Variants in ACTN1 observed in about 807,000 individuals in gnomAD.
ACTN1 encodes alpha-actinin-1.
ACTN1 carries 30 observed loss-of-function variants against 119.6 expected under a neutral mutation model. The ratio of observed to expected loss-of-function variants is 0.25; its 90% CI spans 0.19 to 0.34. The LOEUF (loss-of-function observed/expected upper bound fraction) is 0.34. Ranked by LOEUF, ACTN1 falls within the 10% of genes least tolerant of loss-of-function variation. The pLI, the probability that ACTN1 is intolerant of heterozygous loss-of-function variation, is 1.00. For missense variants in ACTN1, 764 were observed against 1,223.4 expected, an observed-to-expected ratio of 0.62 and a Z score of 5.60; for synonymous variants, 429 against 472.6, an observed-to-expected ratio of 0.91 and a Z score of 1.20.
chr14:68,929,898 G>C (rs10149281), intron 1 of ACTN1, among the ~76,000 whole-genome samples: 15,632 of 152,260 alleles, frequency 0.1, 979 homozygotes, highest in African/African-American at 0.17. Flanking sequence ...CAGCCCTGTA[G>C]TTCAGGGTTG....
In ACTN1 at chr14:68,909,590, G is replaced by C. The variant is rs996046117; in HGVS notation, c.516-194C>G. Among the ~76,000 whole-genome samples the C allele has an allele frequency of 3.9e-5, 6 of 152,020 alleles. No homozygotes were observed. The highest frequency in any genetic ancestry group is 1.4e-4 in the African/African-American group (6 of 41,380). ...CCAGGCACTAGGGTCAAGACTTTGT[G>C]GGGGGGTTGACAAGTTCAGATAAAC... On this transcript the variant is annotated intron_variant, in intron 5 of 21. Coordinates refer to ENST00000394419, the MANE Select transcript of ACTN1 (RefSeq NM_001130004.2). This position sits in a 1 kb window ranked among gnomAD's most constrained non-coding sequence, Gnocchi z 4.1.
chr14:68,882,597 G>A lies in ACTN1; in HGVS notation c.1819-5C>T, dbSNP rs775069823. 9 of 1,613,848 alleles carry A rather than the reference G, an allele frequency of 5.6e-6. No individual in the cohort carries two copies. The highest frequency in any genetic ancestry group is 4.5e-5 in the East Asian group (2 of 44,882). ...CCGAGGCACCAGCTGCCGCACCTGGGGCAGGAACAACAAGGCGACTTTCAG... is the reference window on the plus strand; with the variant it reads ...CCGAGGCACCAGCTGCCGCACCTGGAGCAGGAACAACAAGGCGACTTTCAG... On this transcript the variant is annotated splice_polypyrimidine_tract_variant and splice_region_variant and intron_variant, in intron 15 of 21. Transcript: ENST00000394419. The surrounding 1 kb of genome is among the most constrained non-coding windows in gnomAD (Gnocchi z 4.5).
At chr14:68,902,677 C>T in intron 7 of ACTN1, 115 bp from the exon 8 acceptor site, 1 of 830,724 alleles carries the variant, frequency 1.2e-6, no homozygotes, top group Non-Finnish European at 2.0e-6. Flanking sequence ...AAATGTGGAG[C>T]CCGAATCTAA....
At chr14:68,888,934 C>T (rs2032252496) in intron 11 of ACTN1, among the ~76,000 whole-genome samples, 2 of 152,188 alleles carry the variant, frequency 1.3e-5, no homozygotes, top group African/African-American at 2.4e-5. Flanking sequence ...CGCTGCCCTA[C>T]ACCAAGCCAA....
chr14:68,920,935 C>A, intron 3 of ACTN1, 71 bp downstream of exon 3: 1 of 1,585,614 alleles, frequency 6.3e-7, no homozygotes, highest in Non-Finnish European at 8.6e-7. Flanking sequence ...GGAGGCAGCA[C>A]AAAAAAGGCC....
intron 8 of ACTN1, among the ~76,000 whole-genome samples, chr14:68,894,242 C>A (rs2032715771): frequency 6.6e-6 from 1 of 152,140 alleles, no homozygotes; most frequent in Non-Finnish European, 1.5e-5. Flanking sequence ...TCTTGGGATC[C>A]CTGCAGAATC....
chr14:68,949,115 G>A (rs372654663), intron 1 of ACTN1, among the ~76,000 whole-genome samples: 2 of 152,304 alleles, frequency 1.3e-5, no homozygotes, highest in Middle Eastern at 3.4e-3. Flanking sequence ...TGTAATTAAC[G>A]GGCCAAAAAT....
chr14:68,884,262 T>A lies in ACTN1; in HGVS notation c.1541A>T (p.Tyr514Phe), dbSNP rs1356868742. The change falls in exon 14 of 22, where the codon TAT becomes TTT. Residue 514 changes from tyrosine to phenylalanine, a missense_variant. This residue lies in a region of ACTN1 where 544 missense variants were observed against 912.0 expected (regional missense o/e 0.60). Transcript: ENST00000394419. ...LETIDQLYLE[Y>F]AKRAAPFNNW... Reference sequence around the variant, plus strand: ...GTTGAAGGGTGCAGCCCGCTTGGCATACTCCAAGTACAGCTGGTCAATGGT... The same window carrying A: ...GTTGAAGGGTGCAGCCCGCTTGGCAAACTCCAAGTACAGCTGGTCAATGGT... 2 of 1,614,128 alleles carry A rather than the reference T, an allele frequency of 1.2e-6. No homozygotes were observed.
In ACTN1 at chr14:68,884,979, C is replaced by T. The variant is rs543857292; in HGVS notation, c.1386-96G>A. On this transcript the variant is annotated intron_variant, in intron 12 of 21. Transcript: ENST00000394419. ...GCTGTCAGTGGGGTGGCTGGTGGTGCTGGGAAGAGCCAGGGGCGCTCCCTT... is the reference window on the plus strand; with the variant it reads ...GCTGTCAGTGGGGTGGCTGGTGGTGTTGGGAAGAGCCAGGGGCGCTCCCTT... The T allele has an allele frequency of 8.1e-5, 84 of 1,041,362 alleles. No homozygotes were observed. In the African/African-American group the frequency reaches 1.2e-3, roughly 15 times the overall value. 64.5% of individuals were successfully genotyped at this position (1,041,362 alleles called of 1,614,324 possible).
intron 1 of ACTN1, among the ~76,000 whole-genome samples, chr14:68,928,332 GC>G (rs952549265): frequency 3.6e-4 from 55 of 152,178 alleles, no homozygotes; most frequent in Middle Eastern, 3.2e-3. Flanking sequence ...CCTGGACAAA[GC>G]CCTGGAACAT....
chr14:68,912,596 C>T (rs1423618926), intron 3 of ACTN1, among the ~76,000 whole-genome samples: 1 of 152,044 alleles, frequency 6.6e-6, no homozygotes, highest in Non-Finnish European at 1.5e-5. Context: ...AGGCTGGTCT[C>T]AAACTCCTGG....
At chr14:68,951,895 T>C (rs1245217489) in intron 1 of ACTN1, among the ~76,000 whole-genome samples, 2 of 152,352 alleles carry the variant, frequency 1.3e-5, no homozygotes, top group Non-Finnish European at 2.9e-5. Flanking sequence ...TGCCAGGTAC[T>C]ATACTAATGC....
chr14:68,973,998 GC>G (rs1417192440), intron 1 of ACTN1: 1 of 152,234 alleles, frequency 6.6e-6, no homozygotes, highest in Non-Finnish European at 1.5e-5. Flanking sequence ...CAACCCACAG[GC>G]CCCTCTAGCA....
chr14:68,955,384 C>T (rs1594869142), intron 1 of ACTN1, among the ~76,000 whole-genome samples: 1 of 152,152 alleles, frequency 6.6e-6, no homozygotes, highest in Non-Finnish European at 1.5e-5. Flanking sequence ...TGACTAGGCG[C>T]TCACCGTGTC....
chr14:68,899,130 C>T (rs1159854345), intron 8 of ACTN1, among the ~76,000 whole-genome samples: 3 of 145,364 alleles, frequency 2.1e-5, no homozygotes, highest in Admixed American at 1.4e-4. Flanking sequence ...AACCACACCA[C>T]ACCCACACCT....
At chr14:68,906,412 G>A (rs2033670681) in intron 6 of ACTN1, among the ~76,000 whole-genome samples, 1 of 152,202 alleles carries the variant, frequency 6.6e-6, no homozygotes, top group African/African-American at 2.4e-5. Flanking sequence ...AAAGGGAGAA[G>A]TATAGGGTAA....
chr14:68,956,960 C>T (rs778667852), intron 1 of ACTN1, among the ~76,000 whole-genome samples: 4 of 152,060 alleles, frequency 2.6e-5, no homozygotes, highest in Admixed American at 1.3e-4. Context: ...GGAGGCATCA[C>T]GAGATCCCAA....
Position 68,880,931 on chromosome 14 carries a change from A to T in ACTN1, c.2012T>A (p.Leu671Gln). The change falls in exon 17 of 22, where the codon CTG (leucine) becomes CAG (glutamine). Residue 671 changes from leucine (L) to glutamine (Q), a missense_variant. Coordinates refer to ENST00000394419, the MANE Select transcript of ACTN1 (RefSeq NM_001130004.2). This position sits in a 1 kb window ranked among gnomAD's most constrained non-coding sequence, Gnocchi z 4.6. ...HGTLEDQLSHLRQYEKSIVNY... is the reference protein window; with the variant it reads ...HGTLEDQLSHQRQYEKSIVNY... ...GACGATGCTCTTCTCATACTGCCGC[A>T]GGTGGCTGAGCTGGTCCTCCAGGGT... 2 of 1,614,082 alleles carry T rather than the reference A, an allele frequency of 1.2e-6. No homozygotes were observed. Among genetic ancestry groups the T allele is most frequent in the Non-Finnish European group, 8.5e-7 (1 of 1,179,988 alleles).
At position 68,915,129 on chromosome 14, in the gene ACTN1, G is replaced by A. The variant is rs140848686; in HGVS notation, c.341-2887C>T. On this transcript the variant is annotated intron_variant, in intron 3 of 21. Coordinates refer to ENST00000394419, the MANE Select transcript of ACTN1 (RefSeq NM_001130004.2). ...CACAGAATGACCAAGTAAATCCCCAGACCCCATATCACCCTCTGCTAAAAA... is the reference window on the plus strand; with the variant it reads ...CACAGAATGACCAAGTAAATCCCCAAACCCCATATCACCCTCTGCTAAAAA... Among the ~76,000 whole-genome samples the A allele has an allele frequency of 3.3e-3, 495 of 152,216 alleles. 2 individuals are homozygous for A. Among genetic ancestry groups the A allele is most frequent in the African/African-American group, 0.011 (460 of 41,530 alleles).
Sources: gnomAD v4.1 joint callset for allele counts (sites outside exome capture counted in the v4.1 genomes callset) on GRCh38, gnomAD v4.1.1 for gene constraint, gnomAD v4.1.1 regional missense constraint, Gnocchi (gnomAD v3.1) non-coding constraint, MANE v1.5 for transcripts, NCBI Gene and HGNC (gene_info 2026-07-23, HGNC 2026-07-21) for gene names.